The following SPATA6 variants were observed in gnomAD, a reference collection of about 807,000 sequenced individuals.
SPATA6 encodes the protein spermatogenesis-associated protein 6.
Under a neutral mutation model 65.3 loss-of-function variants are expected in SPATA6, and 56 were observed. That is an observed-to-expected ratio of 0.86 (90% CI 0.69 to 1.07). The LOEUF is 1.07. Ranked by LOEUF, SPATA6 falls within the 50% of genes least tolerant of loss-of-function variation. SPATA6 has a pLI of 0.00. For synonymous variants in SPATA6, 199 were observed against 213.2 expected (o/e 0.93, Z 0.58); for missense variants, 590 against 594.8 (o/e 0.99, Z 0.08).
Position 48,457,744 on chromosome 1 carries a change from T to TA in SPATA6, c.52-4614dup, listed in dbSNP as rs561361920. ...GCAGAACTTCCCTATCAAAAATACT[T>TA]AAAGAGAATCTTTCAGGTTGAACTG... On this transcript the variant is annotated intron_variant, in intron 1 of 12. Transcript: ENST00000371847. 6.6e-5 allele frequency among the ~76,000 whole-genome samples: 10 copies of TA among 152,160 alleles called. No individual in the cohort carries two copies. In the South Asian group the frequency reaches 2.1e-3, roughly 32 times the overall value.
chr1:48,314,368 G>C (rs1033643740), intron 11 of SPATA6, among the ~76,000 whole-genome samples: 1 of 152,044 alleles, frequency 6.6e-6, no homozygotes. Context: ...AATCAAACTA[G>C]AACTCAGGAT....
chr1:48,443,711 GACA>G (rs1355516366), intron 3 of SPATA6, among the ~76,000 whole-genome samples: 1 of 152,192 alleles, frequency 6.6e-6, no homozygotes, highest in Non-Finnish European at 1.5e-5. Context: ...TCTGAAATCA[GACA>G]ACGCCTGTCA....
At chr1:48,417,527 A>G (rs1652886770) in intron 3 of SPATA6, among the ~76,000 whole-genome samples, 1 of 152,188 alleles carries the variant, frequency 6.6e-6, no homozygotes, top group Admixed American at 6.5e-5. Flanking sequence ...AAATTATAAA[A>G]CAGGGAGGCC....
chr1:48,332,000 A>T (rs948087304), intron 11 of SPATA6, among the ~76,000 whole-genome samples: 10 of 152,190 alleles, frequency 6.6e-5, no homozygotes, highest in African/African-American at 2.4e-4. Context: ...GAGAAATATG[A>T]TCATTTTCAA....
At chr1:48,263,450 G>A in the SPATA6 span, among the ~76,000 whole-genome samples, 7 of 151,860 alleles carry the variant, frequency 4.6e-5, no homozygotes, top group Admixed American at 6.6e-5. Flanking sequence ...AATACCCACC[G>A]ATGTGCGCCC....
At chr1:48,320,473 T>G (rs1645568839) in intron 11 of SPATA6, among the ~76,000 whole-genome samples, 2 of 152,150 alleles carry the variant, frequency 1.3e-5, no homozygotes. Context: ...GTATTTAAAG[T>G]GCTGAAGGAA....
chr1:48,433,837 G>A (rs1654626133), intron 3 of SPATA6, among the ~76,000 whole-genome samples: 1 of 151,774 alleles, frequency 6.6e-6, no homozygotes, highest in Admixed American at 6.6e-5. Context: ...AGTTTAAAGG[G>A]GCTTCAAAAA....
chr1:48,298,288 A>G lies in SPATA6; in HGVS notation c.*425T>C, dbSNP rs1283480556. On this transcript the variant is annotated 3_prime_UTR_variant, in exon 13 of 13. Transcript: ENST00000371847. The stretch of plus-strand genomic sequence containing the variant: ...TTCTGTATAGGATATCATTTTGTTC[A>G]TCACCAAGAAAAGGTAGTCAATATT... 3 of 153,008 alleles carry G rather than the reference A, an allele frequency of 2.0e-5. No homozygotes were observed. The highest frequency in any genetic ancestry group is 7.2e-5 in the African/African-American group (3 of 41,492). The allele number at this position is 153,008 out of a possible 1,614,324, so 9.5% of individuals were successfully genotyped here. A position where few individuals can be genotyped will look rare whatever the true frequency, so the allele number is the denominator to read the frequency against.
intron 3 of SPATA6, among the ~76,000 whole-genome samples, chr1:48,446,738 C>A (rs529804894): frequency 3.4e-4 from 51 of 152,128 alleles, no homozygotes; most frequent in South Asian, 1.2e-3. Flanking sequence ...CATTTAAATA[C>A]CTTTCTCTTA....
At chr1:48,447,495 G>A (rs544331035) in intron 3 of SPATA6, among the ~76,000 whole-genome samples, 1 of 152,208 alleles carries the variant, frequency 6.6e-6, no homozygotes, top group Admixed American at 6.5e-5. Flanking sequence ...CTCCGGCCTT[G>A]GTGACAGGGT....
At chr1:48,421,936 C>T (rs1653380374) in intron 3 of SPATA6, among the ~76,000 whole-genome samples, 1 of 151,970 alleles carries the variant, frequency 6.6e-6, no homozygotes, top group African/African-American at 2.4e-5. Flanking sequence ...TATCTTAGAC[C>T]TTCAAAAATG....
intron 3 of SPATA6, among the ~76,000 whole-genome samples, chr1:48,421,627 T>C (rs564364497): frequency 6.6e-6 from 1 of 152,218 alleles, no homozygotes; most frequent in Non-Finnish European, 1.5e-5. Flanking sequence ...AAGATAAATA[T>C]ATTTTTGTCA....
intron 3 of SPATA6, among the ~76,000 whole-genome samples, chr1:48,428,773 A>ATGTGTGTGTGTGTGTG (rs1308795485): frequency 1.7e-4 from 11 of 63,210 alleles, no homozygotes; most frequent in Admixed American, 5.9e-4. Context: ...ATAGGTGTAT[A>ATGTGTGTGTGTGTGTG]TATGTGTGTG....
At chr1:48,369,124 A>C (rs1647141886) in intron 9 of SPATA6, among the ~76,000 whole-genome samples, 1 of 152,110 alleles carries the variant, frequency 6.6e-6, no homozygotes, top group Non-Finnish European at 1.5e-5. Context: ...GTGAACCGCG[A>C]ATGCTGCTGC....
At chr1:48,327,232 A>C (rs1430641526) in intron 11 of SPATA6, among the ~76,000 whole-genome samples, 1 of 152,216 alleles carries the variant, frequency 6.6e-6, no homozygotes, top group Non-Finnish European at 1.5e-5. Context: ...GCGGCTAACA[A>C]ACACACAAAA....
intron 11 of SPATA6, among the ~76,000 whole-genome samples, chr1:48,307,680 G>A (rs1041625595): frequency 1.3e-5 from 2 of 151,482 alleles, no homozygotes; most frequent in South Asian, 4.2e-4. Flanking sequence ...CTATCCACTG[G>A]TGAATATGGG....
intron 1 of SPATA6, among the ~76,000 whole-genome samples, chr1:48,458,215 A>G (rs1396745174): frequency 1.3e-5 from 2 of 152,190 alleles, no homozygotes; most frequent in Non-Finnish European, 2.9e-5. Flanking sequence ...CACAGAAAAC[A>G]AAAGACAAAA....
At chr1:48,410,598 T>C (rs1366162243) in intron 5 of SPATA6, among the ~76,000 whole-genome samples, 3 of 152,140 alleles carry the variant, frequency 2.0e-5, no homozygotes, top group Non-Finnish European at 4.4e-5. Flanking sequence ...AGGAAAGAGG[T>C]TTAACTGACT....
At chr1:48,377,495 T>C (rs925113536) in intron 9 of SPATA6, among the ~76,000 whole-genome samples, 3 of 152,098 alleles carry the variant, frequency 2.0e-5, no homozygotes, top group Admixed American at 1.3e-4. Context: ...AAGCTCAACA[T>C]CCTCAAAATA....
Sources: gnomAD v4.1 joint callset for allele counts (sites outside exome capture counted in the v4.1 genomes callset) on GRCh38, gnomAD v4.1.1 for gene constraint, MANE v1.5 for transcripts, NCBI Gene and HGNC (gene_info 2026-07-23, HGNC 2026-07-21) for gene names.